The following RELCH variants were observed in gnomAD, a reference collection of about 807,000 sequenced individuals.
RELCH encodes RAB11-binding protein RELCH.
Under a neutral mutation model 150.3 loss-of-function variants are expected in RELCH, and 41 were observed. The observed-to-expected ratio is 0.27, with a 90% confidence interval of 0.21 to 0.35. RELCH has a LOEUF of 0.35. RELCH is among the 10% of genes least tolerant of loss of function. The pLI, the probability that RELCH is intolerant of heterozygous loss-of-function variation, is 1.00. For synonymous variants in RELCH, 478 were observed against 531.8 expected, an observed-to-expected ratio of 0.90 and a Z score of 1.39; for missense variants, 1,092 against 1,467.8, an observed-to-expected ratio of 0.74 and a Z score of 4.18.
In RELCH at chr18:62,306,743, G is replaced by A. The variant is rs1386657837; in HGVS notation, c.*1209G>A. The A allele has an allele frequency of 6.6e-6, 1 of 152,626 alleles. No homozygotes were observed. Among genetic ancestry groups the A allele is most frequent in the Non-Finnish European group, 1.5e-5 (1 of 68,024 alleles). 9.5% of individuals were successfully genotyped at this position (152,626 alleles called of 1,614,324 possible). A position where few individuals can be genotyped will look rare whatever the true frequency, so the allele number is the denominator to read the frequency against. The stretch of plus-strand genomic sequence containing the variant: ...AGGAAGGGGGTGCTTGGTTTGAGGG[G>A]TTAATGTGAGGCCTTTTTGAAAAAT... On this transcript the variant is annotated 3_prime_UTR_variant, in exon 29 of 29. Coordinates refer to ENST00000644646, the MANE Select transcript of RELCH (RefSeq NM_001346231.2).
chr18:62,259,331 C>T (rs918858548), intron 15 of RELCH, among the ~76,000 whole-genome samples: 2 of 151,442 alleles, frequency 1.3e-5, no homozygotes, highest in African/African-American at 2.4e-5. Context: ...TTGAGCATTT[C>T]TATATGCCAA....
intron 10 of RELCH, among the ~76,000 whole-genome samples, chr18:62,241,897 T>C: frequency 6.6e-6 from 1 of 152,208 alleles, no homozygotes; most frequent in East Asian, 1.9e-4. Context: ...TTACAGAATC[T>C]ATTTTTTATT....
At chr18:62,252,863 G>A (rs1010879307) in intron 12 of RELCH, 109 bp downstream of exon 12, 78 of 774,946 alleles carry the variant, frequency 1.0e-4, no homozygotes, top group Non-Finnish European at 1.6e-4. Context: ...TATAAATTAT[G>A]CTGATGTTTC....
intron 10 of RELCH, 144 bp downstream of exon 10, chr18:62,232,571 T>TC: frequency 1.7e-6 from 1 of 597,338 alleles, no homozygotes; most frequent in Non-Finnish European, 3.0e-6. Flanking sequence ...GCATCTCTGC[T>TC]CCTAGAGAAT....
intron 8 of RELCH, among the ~76,000 whole-genome samples, chr18:62,230,911 T>C (rs2041526114): frequency 6.6e-6 from 1 of 152,104 alleles, no homozygotes; most frequent in South Asian, 2.1e-4. Context: ...ATTGATCTAC[T>C]ATACCACTTT....
chr18:62,247,940 C>A (rs919623543), intron 11 of RELCH, among the ~76,000 whole-genome samples: 2 of 152,088 alleles, frequency 1.3e-5, no homozygotes, highest in African/African-American at 4.8e-5. Context: ...TCAATAATTT[C>A]CAGAAACTCT....
chr18:62,230,984 C>A (rs2041530708), intron 8 of RELCH, among the ~76,000 whole-genome samples: 1 of 152,006 alleles, frequency 6.6e-6, no homozygotes. Context: ...TGCAAGAACA[C>A]CAGTTACTGT....
chr18:62,274,113 TAA>T, intron 21 of RELCH, 27 bp downstream of exon 21: 1 of 1,440,912 alleles, frequency 6.9e-7, no homozygotes, highest in Non-Finnish European at 9.7e-7. Context: ...TATAGTTTGC[TAA>T]AAGGCATATA....
rs2043094911 is a variant in RELCH, at chr18:62,258,466, A to T, written c.2038-46A>T. 5 of 1,498,396 alleles carry T rather than the reference A, an allele frequency of 3.3e-6. No individual in the cohort carries two copies. In the East Asian group the frequency reaches 1.1e-4, roughly 34 times the overall value. The allele number at this position is 1,498,396 out of a possible 1,614,324, so 92.8% of individuals were successfully genotyped here. On this transcript the variant is annotated intron_variant, in intron 14 of 28. Transcript: ENST00000644646. ...ACTTTTTATTAAGTGTTTTATTTTA[A>T]GTTTATCCCTTTAAAAATCTACATT...
intron 1 of RELCH, among the ~76,000 whole-genome samples, chr18:62,204,791 T>C (rs1212621319): frequency 2.0e-5 from 3 of 152,206 alleles, no homozygotes; most frequent in African/African-American, 7.2e-5. Context: ...TTTCCTTTCT[T>C]TTAGTGATTC....
Position 62,255,391 on chromosome 18 carries a change from AT to A in RELCH, c.1825-8del, listed in dbSNP as rs568221445. 1.8e-4 allele frequency: 287 copies of A among 1,571,428 alleles called. No individual in the cohort carries two copies. Among genetic ancestry groups the A allele is most frequent in the Non-Finnish European group, 2.1e-4 (242 of 1,144,854 alleles). On this transcript the variant is annotated splice_polypyrimidine_tract_variant and intron_variant, in intron 12 of 28. Coordinates refer to ENST00000644646, the MANE Select transcript of RELCH (RefSeq NM_001346231.2). ...TATGCTGTTTATGCTTGATTTATTT[AT>A]TTTTTTTGCTCTAGATTAATCACAA...
chr18:62,208,300 G>A (rs558107571), intron 1 of RELCH, among the ~76,000 whole-genome samples: 3 of 149,534 alleles, frequency 2.0e-5, no homozygotes, highest in Middle Eastern at 3.4e-3. Context: ...TGATTTGCAC[G>A]TATTTCTTCC....
chr18:62,207,778 T>C (rs2039903975), intron 1 of RELCH, among the ~76,000 whole-genome samples: 1 of 152,216 alleles, frequency 6.6e-6, no homozygotes. Flanking sequence ...TTCCAGAACA[T>C]TTTTATCACC....
intron 28 of RELCH, chr18:62,299,893 C>T (rs2045589629): frequency 6.6e-6 from 1 of 152,142 alleles, no homozygotes; most frequent in African/African-American, 2.4e-5. Flanking sequence ...ATATCATTAT[C>T]ACACCAACAT....
At chr18:62,286,198 C>T (rs1317017160) in intron 25 of RELCH, among the ~76,000 whole-genome samples, 1 of 152,106 alleles carries the variant, frequency 6.6e-6, no homozygotes, top group East Asian at 1.9e-4. Flanking sequence ...AATGTTTGGG[C>T]AGAAATGAAC....
At chr18:62,201,427 A>G (rs562926512) in intron 1 of RELCH, among the ~76,000 whole-genome samples, 14 of 152,226 alleles carry the variant, frequency 9.2e-5, no homozygotes, top group Admixed American at 9.2e-4. Flanking sequence ...GGTTGAATAA[A>G]TCGTCTTTAC....
intron 22 of RELCH, among the ~76,000 whole-genome samples, chr18:62,278,688 G>T (rs1324144600): frequency 6.6e-6 from 1 of 152,074 alleles, no homozygotes; most frequent in Non-Finnish European, 1.5e-5. Context: ...AAATTGAGAA[G>T]GGGATTGCCC....
chr18:62,207,165 C>T (rs1464468205), intron 1 of RELCH, among the ~76,000 whole-genome samples: 1 of 152,152 alleles, frequency 6.6e-6, no homozygotes, highest in Non-Finnish European at 1.5e-5. Flanking sequence ...AACCCCCAAT[C>T]ACTAATCTCT....
chr18:62,220,501 T>C (rs1024146263), intron 2 of RELCH, among the ~76,000 whole-genome samples: 9 of 151,872 alleles, frequency 5.9e-5, no homozygotes, highest in African/African-American at 1.9e-4. Context: ...AACATCCTAA[T>C]GAAGGGAACT....
Sources: gnomAD v4.1 joint callset for allele counts (sites outside exome capture counted in the v4.1 genomes callset) on GRCh38, gnomAD v4.1.1 for gene constraint, MANE v1.5 for transcripts, NCBI Gene and HGNC (gene_info 2026-07-23, HGNC 2026-07-21) for gene names.